Variants in RAB40C observed in about 807,000 individuals in gnomAD.
The protein encoded by RAB40C is RAB40C, member RAS oncogene family.
In RAB40C, 8 loss-of-function variants were observed where a neutral mutation model predicts 28.1. The ratio of observed to expected loss-of-function variants is 0.28; its 90% CI spans 0.17 to 0.51. RAB40C has a LOEUF of 0.51. Among genes scored for constraint, RAB40C ranks in the 20% least tolerant of loss-of-function variants. RAB40C has a pLI of 0.97. For missense variants in RAB40C, 288 were observed against 405.9 expected (o/e 0.71, Z 2.50); for synonymous variants, 201 against 171.7 (o/e 1.17, Z -1.34).
rs5815051 is a variant in RAB40C at position 604,238 on chromosome 16, A to AT, written c.143-12959dup. ...CCCGGCTCAGAGCTAGTTCTTTTAA[A>AT]TTTTTTTTTTTAATTATTTTTCTTG... On this transcript the variant is annotated intron_variant, in intron 1 of 5. Coordinates refer to ENST00000248139, the MANE Select transcript of RAB40C (RefSeq NM_021168.5). 1.3e-3 allele frequency among the ~76,000 whole-genome samples: 189 copies of AT among 150,120 alleles called. 2 individuals are homozygous for AT. The South Asian group carries it at 0.037, about 30-fold the overall frequency.
chr16:626,254 G>A (rs1406766887), intron 5 of RAB40C, 133 bp downstream of exon 5: 10 of 869,176 alleles, frequency 1.2e-5, no homozygotes, highest in East Asian at 7.8e-5. Context: ...GTAGGGGCTC[G>A]GCCGGCGGCA....
At chr16:617,003 C>G (rs960393627) in intron 1 of RAB40C, 25 of 594,318 alleles carry the variant, frequency 4.2e-5, no homozygotes, top group Non-Finnish European at 9.0e-6. Context: ...CCGCCCTGCC[C>G]GTGGCCCGTG....
intron 1 of RAB40C, among the ~76,000 whole-genome samples, chr16:598,619 G>A (rs1042557250): frequency 1.3e-5 from 2 of 151,750 alleles, no homozygotes; most frequent in African/African-American, 4.8e-5. Context: ...GTGCACGTCT[G>A]TAGTCCCAAT....
intron 3 of RAB40C, among the ~76,000 whole-genome samples, chr16:619,727 G>A (rs143452164): frequency 2.6e-3 from 393 of 152,338 alleles, no homozygotes; most frequent in Non-Finnish European, 4.3e-3. Flanking sequence ...GTTCAGGTCT[G>A]TGCCATGCAG....
intron 1 of RAB40C, among the ~76,000 whole-genome samples, chr16:591,581 T>C (rs914026135): frequency 1.2e-4 from 18 of 151,978 alleles, no homozygotes; most frequent in Admixed American, 6.6e-4. Flanking sequence ...TGTTTTGTTT[T>C]CTTTTCTTTT....
chr16:592,788 C>T (rs2036030273), intron 1 of RAB40C, among the ~76,000 whole-genome samples: 1 of 152,266 alleles, frequency 6.6e-6, no homozygotes, highest in Non-Finnish European at 1.5e-5. Flanking sequence ...CTCAGCCATG[C>T]TGGCCAGCTC....
intron 4 of RAB40C, 49 bp downstream of exon 4, chr16:625,558 G>A (rs2036812001): frequency 6.3e-7 from 1 of 1,575,958 alleles, no homozygotes; most frequent in South Asian, 1.1e-5. Flanking sequence ...GCTGGATGGA[G>A]GTACCTGGGC....
chr16:628,146 G>A lies in RAB40C; in HGVS notation c.*524G>A, dbSNP rs928825535. ...AGAGGCCGGGGGAGCAGACAGGGCCGGTGCTCCCTCTGGAAGCTTGGGTGA... is the reference window on the plus strand; with the variant it reads ...AGAGGCCGGGGGAGCAGACAGGGCCAGTGCTCCCTCTGGAAGCTTGGGTGA... On this transcript the variant is annotated 3_prime_UTR_variant, in exon 6 of 6. Transcript: ENST00000248139. The A allele has an allele frequency of 1.6e-4, 24 of 153,060 alleles. No homozygotes were observed. The highest frequency in any genetic ancestry group is 3.2e-4 in the Non-Finnish European group (22 of 68,578). The allele number at this position is 153,060 out of a possible 1,614,324, so 9.5% of individuals were successfully genotyped here.
chr16:625,306 C>T (rs1028393906), intron 3 of RAB40C, 126 bp from the exon 4 acceptor site: 86 of 1,475,842 alleles, frequency 5.8e-5, no homozygotes, highest in Non-Finnish European at 7.6e-5. Flanking sequence ...CTCATCTGCC[C>T]ATCCGCCAAG....
At chr16:623,327 G>A (rs191839692) in intron 3 of RAB40C, among the ~76,000 whole-genome samples, 12 of 152,348 alleles carry the variant, frequency 7.9e-5, no homozygotes, top group African/African-American at 2.6e-4. Flanking sequence ...TCAGTGTAAT[G>A]TGTTGTGTGT....
chr16:591,875 G>T (rs544853824), intron 1 of RAB40C, among the ~76,000 whole-genome samples: 1 of 152,234 alleles, frequency 6.6e-6, no homozygotes, highest in Non-Finnish European at 1.5e-5. Context: ...GATTACAGAC[G>T]TGAGCCACTG....
At chr16:624,323 A>G in intron 3 of RAB40C, 1 of 985,438 alleles carries the variant, frequency 1.0e-6, no homozygotes, top group South Asian at 4.7e-5. Context: ...CCCAACCTCC[A>G]GGGTTAACCC....
chr16:596,550 G>C (rs961439425), intron 1 of RAB40C: 4 of 333,504 alleles, frequency 1.2e-5, no homozygotes, highest in African/African-American at 2.2e-5. Context: ...AGGTGTCGGC[G>C]TCCAGCATCC....
intron 1 of RAB40C, among the ~76,000 whole-genome samples, chr16:613,143 A>AC (rs2036517303): frequency 7.5e-6 from 1 of 132,494 alleles, no homozygotes; most frequent in Non-Finnish European, 1.6e-5. Context: ...AATCAAGAGC[A>AC]GGGACAGCCG....
chr16:627,634 G>A lies in RAB40C; in HGVS notation c.*12G>A, dbSNP rs765351780. The stretch of plus-strand genomic sequence containing the variant: ...GCAAGATCTCCTAGCGGGGATGGGC[G>A]GGGCCGCCTGTGCAGATGCCAGGAG... On this transcript the variant is annotated 3_prime_UTR_variant, in exon 6 of 6. Transcript: ENST00000248139. 30 of 1,560,884 alleles carry A rather than the reference G, an allele frequency of 1.9e-5. No individual in the cohort carries two copies. In the Admixed American group the frequency reaches 2.0e-4, roughly 10 times the overall value.
intron 3 of RAB40C, among the ~76,000 whole-genome samples, chr16:622,498 C>T (rs2036740644): frequency 6.6e-6 from 1 of 152,218 alleles, no homozygotes; most frequent in African/African-American, 2.4e-5. Flanking sequence ...TCCCCTAGAG[C>T]ACTCGCTCGT....
chr16:621,566 C>T (rs28723552), intron 3 of RAB40C, among the ~76,000 whole-genome samples: 3 of 152,248 alleles, frequency 2.0e-5, no homozygotes, highest in Admixed American at 6.5e-5. Context: ...CGCCGAAGGC[C>T]GGGCTCCCTA....
intron 1 of RAB40C, among the ~76,000 whole-genome samples, chr16:591,230 T>G (rs2035989395): frequency 6.9e-6 from 1 of 145,524 alleles, no homozygotes; most frequent in Admixed American, 6.8e-5. Flanking sequence ...GGGGAAGGTG[T>G]CATGGGTCTA....
At chr16:626,226 G>A in intron 5 of RAB40C, 105 bp downstream of exon 5, 3 of 1,225,422 alleles carry the variant, frequency 2.4e-6, no homozygotes, top group Non-Finnish European at 3.5e-6. Context: ...GTTCAGGCAG[G>A]TCCCTTGGCA....
Sources: allele counts gnomAD v4.1 joint callset (sites outside exome capture counted in the v4.1 genomes callset), GRCh38; gene constraint gnomAD v4.1.1; transcripts MANE v1.5; gene names NCBI Gene and HGNC (gene_info 2026-07-23, HGNC 2026-07-21).